FUT8: variants seen among roughly 807,000 people sequenced by gnomAD.
The protein encoded by FUT8 is alpha-(1,6)-fucosyltransferase.
In FUT8, 29 loss-of-function variants were observed where a neutral mutation model predicts 71.3. The observed-to-expected ratio is 0.41, with a 90% CI of 0.30 to 0.55. The LOEUF (loss-of-function observed/expected upper bound fraction) is 0.55, where lower values mean the gene tolerates loss of function less well. Ranked by LOEUF, FUT8 falls within the 20% of genes least tolerant of loss-of-function variation. The pLI is 0.34. For missense variants in FUT8, 544 were observed against 702.1 expected (o/e 0.77, Z 2.55); for synonymous variants, 254 against 239.3 (o/e 1.06, Z -0.57).
intron 3 of FUT8, among the ~76,000 whole-genome samples, chr14:65,563,560 C>G (rs1018125474): frequency 6.6e-6 from 1 of 151,882 alleles, no homozygotes; most frequent in Non-Finnish European, 1.5e-5. Flanking sequence ...ATGAGATCAC[C>G]AAGAATAGCT....
intron 2 of FUT8, among the ~76,000 whole-genome samples, chr14:65,485,901 C>G (rs1052493276): frequency 6.6e-6 from 1 of 152,198 alleles, no homozygotes; most frequent in Non-Finnish European, 1.5e-5. Context: ...TGCTTGTTTC[C>G]TGTCTCTCTA....
chr14:65,692,234 AC>A (rs1412056905), intron 7 of FUT8, among the ~76,000 whole-genome samples: 2 of 147,630 alleles, frequency 1.4e-5, no homozygotes, highest in East Asian at 2.0e-4. Context: ...CGGGGGGCTG[AC>A]CCCCCCACCT....
intron 2 of FUT8, among the ~76,000 whole-genome samples, chr14:65,546,794 A>AT (rs1429795264): frequency 3.0e-5 from 4 of 134,632 alleles, no homozygotes; most frequent in Admixed American, 1.6e-4. Context: ...AATTGTTGTT[A>AT]TATCTACCAT....
chr14:65,672,234 C>T (rs1468607041), intron 7 of FUT8, among the ~76,000 whole-genome samples: 1 of 152,106 alleles, frequency 6.6e-6, no homozygotes, highest in South Asian at 2.1e-4. Flanking sequence ...AAAATATTTC[C>T]CATCACCTGT....
chr14:65,735,816 T>G (rs1281649704), intron 10 of FUT8, among the ~76,000 whole-genome samples: 1 of 152,184 alleles, frequency 6.6e-6, no homozygotes, highest in African/African-American at 2.4e-5. Flanking sequence ...TCTCAAATAT[T>G]TTTAGTAAAG....
At chr14:65,358,328 TATAA>T in the FUT8 span, among the ~76,000 whole-genome samples, 3 of 152,190 alleles carry the variant, frequency 2.0e-5, no homozygotes, top group South Asian at 2.1e-4. Flanking sequence ...TTGTGTGAAT[TATAA>T]ATAAATTAAT....
the FUT8 span, among the ~76,000 whole-genome samples, chr14:65,359,346 T>C: frequency 6.6e-6 from 1 of 152,334 alleles, no homozygotes; most frequent in South Asian, 2.1e-4. Flanking sequence ...ATACATAACA[T>C]AAAATTCATC....
At chr14:65,683,501 C>T (rs1171007390) in intron 7 of FUT8, among the ~76,000 whole-genome samples, 1 of 152,078 alleles carries the variant, frequency 6.6e-6, no homozygotes, top group Non-Finnish European at 1.5e-5. Flanking sequence ...ATTACTCAAC[C>T]CTTGATTGTA....
chr14:65,524,752 A>G (rs1202779172), intron 2 of FUT8, among the ~76,000 whole-genome samples: 1 of 152,192 alleles, frequency 6.6e-6, no homozygotes, highest in Non-Finnish European at 1.5e-5. Flanking sequence ...AGTCCCATCA[A>G]TATCTAATTT....
At chr14:65,556,386 C>T (rs1885588272) in intron 2 of FUT8, among the ~76,000 whole-genome samples, 1 of 152,148 alleles carries the variant, frequency 6.6e-6, no homozygotes, top group African/African-American at 2.4e-5. Flanking sequence ...TTGTGAGGTG[C>T]TTGTGGTCTT....
At chr14:65,372,386 A>G in the FUT8 span, among the ~76,000 whole-genome samples, 1 of 152,020 alleles carries the variant, frequency 6.6e-6, no homozygotes, top group Non-Finnish European at 1.5e-5. Flanking sequence ...AAACTATCTT[A>G]GTTTCATAAC....
intron 1 of FUT8, among the ~76,000 whole-genome samples, chr14:65,430,591 T>A (rs1214259658): frequency 6.6e-6 from 1 of 152,226 alleles, no homozygotes; most frequent in African/African-American, 2.4e-5. Context: ...GAATTCCTTT[T>A]CTTTATATAG....
chr14:65,669,568 ATACT>A lies in FUT8; in HGVS notation c.835+91_835+94del. ...ATTTCTAGGTAGACCTTCATGGAAC[ATACT>A]TATCTTTTCCTCTGGATCCATGAAT... On this transcript the variant is annotated intron_variant, in intron 7 of 10. Coordinates refer to ENST00000673929, the MANE Select transcript of FUT8 (RefSeq NM_001371533.1). This position sits in a 1 kb window ranked among gnomAD's most constrained non-coding sequence, Gnocchi z 4.5. 1.2e-6 allele frequency: 1 copy of A among 855,878 alleles called. No homozygotes were observed. Among genetic ancestry groups the A allele is most frequent in the Non-Finnish European group, 1.9e-6 (1 of 520,646 alleles). 53.0% of individuals were successfully genotyped at this position (855,878 alleles called of 1,614,324 possible).
chr14:65,363,033 C>T, the FUT8 span, among the ~76,000 whole-genome samples: 2 of 142,898 alleles, frequency 1.4e-5, no homozygotes, highest in African/African-American at 5.2e-5. Flanking sequence ...AAAAGAACTT[C>T]TGGAGTAGGT....
rs74369728 is a variant in FUT8 at position 65,429,567 on chromosome 14, T to G, written c.-326+16353T>G. 7.8e-3 allele frequency among the ~76,000 whole-genome samples: 1,190 copies of G among 152,252 alleles called. 9 individuals carry two copies. Among genetic ancestry groups the G allele is most frequent in the African/African-American group, 0.024 (993 of 41,556 alleles). On this transcript the variant is annotated intron_variant, in intron 1 of 10. Coordinates refer to ENST00000673929, the MANE Select transcript of FUT8 (RefSeq NM_001371533.1). ...TCTGACAATATTATAAACATTATAT[T>G]AAGACTTTAAAGCAGGCCAGGCATG...
intron 7 of FUT8, among the ~76,000 whole-genome samples, chr14:65,716,035 T>C (rs1443987029): frequency 1.3e-5 from 2 of 152,212 alleles, no homozygotes; most frequent in Non-Finnish European, 2.9e-5. Context: ...AGACTTGTTT[T>C]GTGACCTAAT....
intron 6 of FUT8, among the ~76,000 whole-genome samples, chr14:65,653,976 C>T (rs193211835): frequency 7.7e-4 from 117 of 152,224 alleles, no homozygotes; most frequent in African/African-American, 2.7e-3. Context: ...GGAAGTTCTT[C>T]AGACAAAAAA....
Position 65,561,620 on chromosome 14 carries a change from G to C in FUT8, c.57G>C (p.Gly19=), listed in dbSNP as rs374417891. Residue 19 remains glycine, a synonymous_variant, in exon 3 of 11, where the codon GGG becomes GGC. Transcript: ENST00000673929. The stretch of plus-strand genomic sequence containing the variant: ...TTATGCTCATTCTTTTTGCCTGGGG[G>C]ACCTTGCTGTTTTATATAGGTGGTC... The part of the protein sequence containing the change: ...RWIMLILFAW[G]TLLFYIGGHL... The C allele has an allele frequency of 1.9e-6, 3 of 1,613,430 alleles. No homozygotes were observed. The African/African-American group carries it at 4.0e-5, about 22-fold the overall frequency.
At chr14:65,615,882 T>C (rs1021388296) in intron 3 of FUT8, 96 bp from the exon 4 acceptor site, 16 of 816,432 alleles carry the variant, frequency 2.0e-5, no homozygotes, top group Non-Finnish European at 2.3e-5. Context: ...TTCAACAACT[T>C]ATGGAGTTTA....
Sources: allele counts gnomAD v4.1 joint callset (sites outside exome capture counted in the v4.1 genomes callset), GRCh38; gene constraint gnomAD v4.1.1; non-coding constraint Gnocchi (gnomAD v3.1); transcripts MANE v1.5; gene names NCBI Gene and HGNC (gene_info 2026-07-23, HGNC 2026-07-21).